Variants in EBF2 observed in about 807,000 individuals in gnomAD.
EBF2 encodes EBF transcription factor 2.
A neutral mutation model predicts 72.8 loss-of-function variants in EBF2; 21 were observed. The observed-to-expected ratio is 0.29, with a 90% CI of 0.20 to 0.42. The LOEUF is 0.42. Ranked by LOEUF, EBF2 falls within the 10% of genes least tolerant of loss-of-function variation. The pLI, the probability that EBF2 is intolerant of heterozygous loss-of-function variation, is 1.00. For synonymous variants in EBF2, 299 were observed against 274.2 expected (o/e 1.09, Z -0.89); for missense variants, 637 against 731.2 (o/e 0.87, Z 1.49).
intron 6 of EBF2, among the ~76,000 whole-genome samples, chr8:25,961,708 A>G (rs1319476878): frequency 6.6e-6 from 1 of 152,170 alleles, no homozygotes; most frequent in Non-Finnish European, 1.5e-5. Flanking sequence ...CAACTTGGAG[A>G]TGACTCCTCA....
At position 25,886,885 on chromosome 8, in the gene EBF2, A is replaced by G; in HGVS notation, c.883-4T>C. 1.9e-6 allele frequency: 3 copies of G among 1,611,146 alleles called. No individual in the cohort carries two copies. Among genetic ancestry groups the G allele is most frequent in the Non-Finnish European group, 2.5e-6 (3 of 1,178,666 alleles). On this transcript the variant is annotated splice_region_variant and splice_polypyrimidine_tract_variant and intron_variant, in intron 9 of 15. Transcript: ENST00000520164. Reference sequence around the variant, plus strand: ...TGATGGCATGAGGGGTTATTAGCTGAGGAATGAACAGGCAGGGAAATAAAA... The same window carrying G: ...TGATGGCATGAGGGGTTATTAGCTGGGGAATGAACAGGCAGGGAAATAAAA...
At chr8:25,901,707 G>A (rs1466978538) in intron 7 of EBF2, among the ~76,000 whole-genome samples, 2 of 152,142 alleles carry the variant, frequency 1.3e-5, no homozygotes, top group African/African-American at 2.4e-5. Flanking sequence ...ATTCATAAGA[G>A]CATCCACACT....
At chr8:25,989,739 C>T (rs1319094019) in intron 6 of EBF2, among the ~76,000 whole-genome samples, 1 of 152,200 alleles carries the variant, frequency 6.6e-6, no homozygotes, top group Middle Eastern at 3.2e-3. Flanking sequence ...AAGATGGGCA[C>T]ATGAGTCTCC....
At chr8:26,041,133 G>GCC in intron 2 of EBF2, 131 bp from the exon 3 acceptor site, 4 of 1,049,332 alleles carry the variant, frequency 3.8e-6, no homozygotes, top group Non-Finnish European at 5.7e-6. Flanking sequence ...CCCCTGTTCA[G>GCC]CCCTAGGTCA....
intron 7 of EBF2, among the ~76,000 whole-genome samples, chr8:25,899,627 G>A (rs1802917058): frequency 6.6e-6 from 1 of 152,132 alleles, no homozygotes; most frequent in Admixed American, 6.5e-5. Context: ...ATAAGAGCTG[G>A]GGGTTTAAAA....
intron 10 of EBF2, among the ~76,000 whole-genome samples, chr8:25,876,510 CA>C (rs1802523426): frequency 6.6e-6 from 1 of 152,182 alleles, no homozygotes; most frequent in Non-Finnish European, 1.5e-5. Flanking sequence ...TCCCATATTG[CA>C]ATCTGAAAAC....
At chr8:25,948,245 G>A (rs1403821887) in intron 6 of EBF2, among the ~76,000 whole-genome samples, 1 of 152,114 alleles carries the variant, frequency 6.6e-6, no homozygotes, top group Admixed American at 6.5e-5. Context: ...CTTTCCTGCC[G>A]CATACCTCCA....
chr8:25,886,795 T>C lies in EBF2; in HGVS notation c.969A>G (p.Lys323=). Residue 323 remains lysine, a synonymous_variant, in exon 10 of 16, where the codon AAA becomes AAG. Transcript: ENST00000520164. ...TTCCTGGGGCTCCTTTGCAGAACTG[T>C]TTAGATTTATAAGATAATGTCACCT... ...VVEVTLSYKS[K]QFCKGAPGRF... 6.2e-7 allele frequency: 1 copy of C among 1,613,100 alleles called. No homozygotes were observed. Among genetic ancestry groups the C allele is most frequent in the Non-Finnish European group, 8.5e-7 (1 of 1,179,494 alleles).
intron 6 of EBF2, among the ~76,000 whole-genome samples, chr8:25,943,204 T>C (rs1803707827): frequency 1.3e-5 from 2 of 151,094 alleles, no homozygotes; most frequent in South Asian, 4.2e-4. Context: ...GGATGGCTCA[T>C]GCCTGTAATC....
intron 6 of EBF2, among the ~76,000 whole-genome samples, chr8:25,929,633 AG>A (rs1803448351): frequency 6.6e-6 from 1 of 152,086 alleles, no homozygotes; most frequent in South Asian, 2.1e-4. Context: ...TTCCTCTTTC[AG>A]AGCACACACA....
At chr8:25,980,157 C>T (rs1242610516) in intron 6 of EBF2, among the ~76,000 whole-genome samples, 6 of 152,186 alleles carry the variant, frequency 3.9e-5, no homozygotes, top group South Asian at 2.1e-4. Flanking sequence ...AACGGAAAAG[C>T]GGGGGTGGGA....
intron 15 of EBF2, among the ~76,000 whole-genome samples, chr8:25,848,589 G>C (rs535179434): frequency 3.9e-5 from 6 of 152,286 alleles, no homozygotes; most frequent in African/African-American, 1.4e-4. Context: ...CCCATTGTAG[G>C]CTCAGAGCCA....
chr8:26,004,754 G>A (rs73225993), intron 6 of EBF2, among the ~76,000 whole-genome samples: 15 of 146,748 alleles, frequency 1.0e-4, no homozygotes, highest in East Asian at 2.0e-4. Context: ...AAACAATTCC[G>A]TGACCAAAAT....
rs1015158665 is a variant in EBF2, at chr8:26,032,889, G to C, written c.551+196C>G. On this transcript the variant is annotated intron_variant, in intron 6 of 15. Coordinates refer to ENST00000520164, the MANE Select transcript of EBF2 (RefSeq NM_022659.4). Reference sequence around the variant, plus strand: ...TGGAAAAGACTCCACCACAGATTTAGAGACACGTGTTCCAAAGGAAGATTC... The same window carrying C: ...TGGAAAAGACTCCACCACAGATTTACAGACACGTGTTCCAAAGGAAGATTC... 11 of 582,972 alleles carry C rather than the reference G, an allele frequency of 1.9e-5. No individual in the cohort carries two copies. In the African/African-American group the frequency reaches 2.1e-4, roughly 11 times the overall value. 36.1% of individuals were successfully genotyped at this position (582,972 alleles called of 1,614,324 possible).
At chr8:26,035,976 G>A (rs1805495614) in intron 5 of EBF2, among the ~76,000 whole-genome samples, 1 of 149,804 alleles carries the variant, frequency 6.7e-6, no homozygotes. Context: ...ATTTTTCTTA[G>A]CAACACAGTT....
At chr8:26,023,238 A>T (rs954132392) in intron 6 of EBF2, among the ~76,000 whole-genome samples, 2 of 152,156 alleles carry the variant, frequency 1.3e-5, no homozygotes, top group Non-Finnish European at 2.9e-5. Context: ...AGGCTCCACG[A>T]CCTTTGTTCC....
intron 6 of EBF2, among the ~76,000 whole-genome samples, chr8:25,942,436 C>A (rs993055678): frequency 6.6e-6 from 1 of 152,216 alleles, no homozygotes; most frequent in African/African-American, 2.4e-5. Context: ...CTGTGAGCAG[C>A]ATTCCACCAG....
chr8:25,897,695 T>C (rs1802882160), intron 7 of EBF2, among the ~76,000 whole-genome samples: 1 of 152,224 alleles, frequency 6.6e-6, no homozygotes, highest in African/African-American at 2.4e-5. Context: ...AGGACATGAT[T>C]TCATTCTTTT....
At chr8:25,960,575 T>C (rs527343019) in intron 6 of EBF2, among the ~76,000 whole-genome samples, 1 of 152,276 alleles carries the variant, frequency 6.6e-6, no homozygotes, top group East Asian at 1.9e-4. Flanking sequence ...GTGAAAATGT[T>C]CCAGTTACTA....
Sources: gnomAD v4.1 joint callset for allele counts (sites outside exome capture counted in the v4.1 genomes callset) on GRCh38, gnomAD v4.1.1 for gene constraint, MANE v1.5 for transcripts, NCBI Gene and HGNC (gene_info 2026-07-23, HGNC 2026-07-21) for gene names.